Variants in DPP10 observed in about 807,000 individuals in gnomAD.
DPP10 encodes dipeptidyl peptidase like 10, also known as inactive dipeptidyl peptidase 10.
In DPP10, 33 loss-of-function variants were observed where a neutral mutation model predicts 120.9. The ratio of observed to expected loss-of-function variants is 0.27; its 90% CI spans 0.21 to 0.37. The LOEUF (loss-of-function observed/expected upper bound fraction) is 0.37, where lower values mean the gene tolerates loss of function less well. Among genes scored for constraint, DPP10 ranks in the 10% least tolerant of loss-of-function variants. The probability of loss-of-function intolerance (pLI) is 1.00; values close to 1 mark genes in which losing one functional copy is unlikely to be tolerated. For missense variants in DPP10, 816 were observed against 942.8 expected (o/e 0.87, Z 1.76); for synonymous variants, 337 against 326.1 (o/e 1.03, Z -0.36).
At chr2:115,185,998 A>C (rs927968453) in intron 1 of DPP10, among the ~76,000 whole-genome samples, 1 of 152,248 alleles carries the variant, frequency 6.6e-6, no homozygotes, top group Non-Finnish European at 1.5e-5. Flanking sequence ...TCTACTTCAT[A>C]ATAAATACAC....
intron 21 of DPP10, among the ~76,000 whole-genome samples, chr2:115,829,519 C>T (rs1006371296): frequency 1.3e-4 from 19 of 151,892 alleles, no homozygotes; most frequent in Non-Finnish European, 2.9e-5. Flanking sequence ...TTGTTTTTTT[C>T]AAATTCTCCC....
At chr2:114,857,094 C>T (rs1689425128) in intron 1 of DPP10, among the ~76,000 whole-genome samples, 1 of 152,100 alleles carries the variant, frequency 6.6e-6, no homozygotes, top group Non-Finnish European at 1.5e-5. Context: ...TTGGCAGGAC[C>T]AGAATTCTAA....
intron 4 of DPP10, among the ~76,000 whole-genome samples, chr2:115,516,624 G>A (rs1296720633): frequency 7.2e-6 from 1 of 138,560 alleles, no homozygotes; most frequent in African/African-American, 2.7e-5. Flanking sequence ...TCTTCTTAAT[G>A]GTCAGATCCT....
chr2:115,712,926 G>A (rs543919976), intron 7 of DPP10, among the ~76,000 whole-genome samples: 2 of 151,914 alleles, frequency 1.3e-5, no homozygotes, highest in Non-Finnish European at 2.9e-5. Flanking sequence ...ACAAAAAGAG[G>A]AACAGACTAG....
intron 1 of DPP10, among the ~76,000 whole-genome samples, chr2:114,564,381 C>G (rs1442867207): frequency 6.6e-6 from 1 of 152,000 alleles, no homozygotes; most frequent in Non-Finnish European, 1.5e-5. Context: ...AAATAATTTC[C>G]AAGCTCACTA....
chr2:114,723,316 A>C (rs543656482), intron 1 of DPP10, among the ~76,000 whole-genome samples: 1 of 152,316 alleles, frequency 6.6e-6, no homozygotes, highest in South Asian at 2.1e-4. Context: ...CCATATTGGG[A>C]ATGAATAAGC....
At chr2:115,701,193 A>G (rs1375847366) in intron 7 of DPP10, among the ~76,000 whole-genome samples, 1 of 152,138 alleles carries the variant, frequency 6.6e-6, no homozygotes, top group Non-Finnish European at 1.5e-5. Flanking sequence ...AACTTACTAC[A>G]ATGTATAGAA....
intron 2 of DPP10, among the ~76,000 whole-genome samples, chr2:115,325,914 A>T (rs551354828): frequency 6.6e-6 from 1 of 152,106 alleles, no homozygotes; most frequent in Non-Finnish European, 1.5e-5. Flanking sequence ...TAGAATATGT[A>T]TGTTAATAGC....
At chr2:115,245,927 C>T (rs1450203367) in intron 1 of DPP10, among the ~76,000 whole-genome samples, 1 of 152,048 alleles carries the variant, frequency 6.6e-6, no homozygotes, top group Non-Finnish European at 1.5e-5. Context: ...GCAGCTTGTA[C>T]ATTTTTTTAA....
At chr2:115,791,200 T>G in intron 18 of DPP10, 21 bp downstream of exon 18, 1 of 1,608,966 alleles carries the variant, frequency 6.2e-7, no homozygotes, top group South Asian at 1.1e-5. Flanking sequence ...GTGCATGCTA[T>G]GTTATTCAAG....
rs937444557 is a variant in DPP10 at position 115,689,856 on chromosome 2, A to G, written c.511A>G (p.Asn171Asp). 1.9e-6 allele frequency: 3 copies of G among 1,613,882 alleles called. No individual in the cohort carries two copies. Among genetic ancestry groups the G allele is most frequent in the Non-Finnish European group, 2.5e-6 (3 of 1,179,956 alleles). The change falls in exon 7 of 26, where the codon AAT (asparagine) becomes GAT (aspartate). Residue 171 changes from asparagine to aspartate, a missense_variant. Around this residue, in one of 3 missense-constraint regions of DPP10, gnomAD observed 182 missense variants for 207.4 expected, o/e 0.88. Coordinates refer to ENST00000410059, the MANE Select transcript of DPP10 (RefSeq NM_020868.6). ...TTTTTCAAGGGAAGTTTGGGAGTTA[A>G]ATCCTCCAGAAGTAGAGGACTCCGT... ...NIHTREVWEL[N>D]PPEVEDSVLQ...
At chr2:115,552,628 A>C (rs2149009836) in intron 5 of DPP10, among the ~76,000 whole-genome samples, 1 of 152,198 alleles carries the variant, frequency 6.6e-6, no homozygotes, top group South Asian at 2.1e-4. Context: ...GTGATAAAAC[A>C]GGGGCAAATT....
At chr2:115,587,370 G>A (rs1257139872) in intron 5 of DPP10, among the ~76,000 whole-genome samples, 1 of 151,916 alleles carries the variant, frequency 6.6e-6, no homozygotes, top group African/African-American at 2.4e-5. Context: ...AGTGAACATT[G>A]TCCTTTTTCC....
At position 115,689,865 on chromosome 2, in the gene DPP10, G is replaced by T. The variant is rs2091212869; in HGVS notation, c.520G>T (p.Glu174Ter). The T allele has an allele frequency of 1.2e-6, 2 of 1,613,716 alleles. No homozygotes were observed. The change falls in exon 7 of 26, where the codon GAA (glutamate) becomes TAA (stop). Residue 174 changes from glutamate to a stop codon, truncating the protein, a stop_gained. Coordinates refer to ENST00000410059, the MANE Select transcript of DPP10 (RefSeq NM_020868.6). LOFTEE classifies it high-confidence loss of function. ...TREVWELNPP[E>*]VEDSVLQYAA... is the part of the protein sequence containing the mutation. ...GGAAGTTTGGGAGTTAAATCCTCCA[G>T]AAGTAGAGGACTCCGTCTTGCAGTA...
At chr2:115,378,747 G>A (rs2066024215) in intron 3 of DPP10, among the ~76,000 whole-genome samples, 2 of 152,144 alleles carry the variant, frequency 1.3e-5, no homozygotes, top group African/African-American at 4.8e-5. Flanking sequence ...AATTTATTGA[G>A]ATTTTTAGCA....
chr2:115,050,702 C>A (rs1442418595), intron 1 of DPP10, among the ~76,000 whole-genome samples: 1 of 152,140 alleles, frequency 6.6e-6, no homozygotes, highest in Non-Finnish European at 1.5e-5. Context: ...TCAGGAAAAA[C>A]CGAAAAAGGC....
chr2:114,612,723 T>A (rs1357413778), intron 1 of DPP10, among the ~76,000 whole-genome samples: 1 of 152,170 alleles, frequency 6.6e-6, no homozygotes, highest in Non-Finnish European at 1.5e-5. Context: ...AATCCTGAGT[T>A]AGATTCCTGG....
intron 1 of DPP10, among the ~76,000 whole-genome samples, chr2:114,536,499 G>A (rs570863269): frequency 8.9e-5 from 13 of 145,830 alleles, no homozygotes; most frequent in African/African-American, 2.5e-4. Flanking sequence ...TCTGTCTCCC[G>A]GGTTCACACC....
At position 114,461,911 on chromosome 2, in the gene DPP10, C is replaced by T. The variant is rs73946159; in HGVS notation, c.60+19073C>T. The T allele has an allele frequency of 5.8e-4, 575 of 985,346 alleles. 3 individuals are homozygous for T. In the African/African-American group the frequency reaches 9.7e-3, roughly 17 times the overall value. The allele number at this position is 985,346 out of a possible 1,614,324, so 61.0% of individuals were successfully genotyped here. A position where few individuals can be genotyped will look rare whatever the true frequency, so the allele number is the denominator to read the frequency against. On this transcript the variant is annotated intron_variant, in intron 1 of 25. Transcript: ENST00000410059. ...GAGAGAGGGAGGGAGATGAGAGCTG[C>T]GTGGAGCTGGTATGCTGGTTAGGAG...
Sources: allele counts gnomAD v4.1 joint callset (sites outside exome capture counted in the v4.1 genomes callset), GRCh38; gene constraint gnomAD v4.1.1; regional missense constraint gnomAD v4.1.1; transcripts MANE v1.5; gene names NCBI Gene and HGNC (gene_info 2026-07-23, HGNC 2026-07-21).